NALCN: variants seen among roughly 807,000 people sequenced by gnomAD.
NALCN encodes the protein sodium leak channel, non-selective.
Under a neutral mutation model 225.3 loss-of-function variants are expected in NALCN, and 111 were observed. The ratio of observed to expected loss-of-function variants is 0.49; its 90% CI spans 0.42 to 0.58. NALCN has a LOEUF of 0.58. Ranked by LOEUF, NALCN falls within the 20% of genes least tolerant of loss-of-function variation. The pLI is 0.00. For synonymous variants in NALCN, 764 were observed against 769.0 expected, an observed-to-expected ratio of 0.99 and a Z score of 0.11; for missense variants, 1,378 against 2,202.4, an observed-to-expected ratio of 0.63 and a Z score of 7.49.
intron 13 of NALCN, among the ~76,000 whole-genome samples, chr13:101,196,812 T>C (rs906703286): frequency 6.6e-6 from 1 of 152,144 alleles, no homozygotes; most frequent in Non-Finnish European, 1.5e-5. Flanking sequence ...CCCACTCCAC[T>C]GACTCCAGGT....
At position 101,176,380 on chromosome 13, in the gene NALCN, A is replaced by C. The variant is rs370198465; in HGVS notation, c.1765-6T>G. On this transcript the variant is annotated splice_region_variant and splice_polypyrimidine_tract_variant and intron_variant, in intron 14 of 43. Coordinates refer to ENST00000251127, the MANE Select transcript of NALCN (RefSeq NM_052867.4). ...ACAAACAAACTCAGGAGGATCTATA[A>C]AATGGTGAAATAACAATGAAAAAAC... The C allele has an allele frequency of 5.4e-5, 86 of 1,587,316 alleles. No homozygotes were observed. The highest frequency in any genetic ancestry group is 7.2e-5 in the Non-Finnish European group (84 of 1,171,014).
chr13:101,080,983 G>A (rs2033616945), intron 34 of NALCN, among the ~76,000 whole-genome samples: 1 of 152,034 alleles, frequency 6.6e-6, no homozygotes, highest in Non-Finnish European at 1.5e-5. Context: ...GTAAAATAGT[G>A]AGAACACAGA....
At chr13:101,340,895 C>T (rs762674664) in intron 7 of NALCN, among the ~76,000 whole-genome samples, 12 of 152,070 alleles carry the variant, frequency 7.9e-5, no homozygotes, top group South Asian at 6.2e-4. Flanking sequence ...TTTTTTGGGA[C>T]GTGGTCATAG....
intron 6 of NALCN, among the ~76,000 whole-genome samples, chr13:101,356,114 C>T (rs1354268568): frequency 6.6e-6 from 1 of 151,754 alleles, no homozygotes; most frequent in Non-Finnish European, 1.5e-5. Context: ...AAATGGATAC[C>T]CTAACATCAC....
At chr13:101,262,140 G>A (rs2042449752) in intron 10 of NALCN, among the ~76,000 whole-genome samples, 1 of 152,210 alleles carries the variant, frequency 6.6e-6, no homozygotes, top group African/African-American at 2.4e-5. Context: ...TTGATAGGAT[G>A]TATCACATTC....
In NALCN at chr13:101,104,464, G is replaced by A; in HGVS notation, c.2758-38C>T. 7 of 1,612,380 alleles carry A rather than the reference G, an allele frequency of 4.3e-6. No homozygotes were observed. The highest frequency in any genetic ancestry group is 5.9e-6 in the Non-Finnish European group (7 of 1,178,788). ...AAAGGCAGTTTGGTTACAATGAACG[G>A]AAAAACAGCAGGTCAGTATTTTACC... On this transcript the variant is annotated intron_variant, in intron 24 of 43. Coordinates refer to ENST00000251127, the MANE Select transcript of NALCN (RefSeq NM_052867.4). The surrounding 1 kb of genome is among the most constrained non-coding windows in gnomAD (Gnocchi z 4.2).
intron 17 of NALCN, among the ~76,000 whole-genome samples, chr13:101,130,127 GC>G (rs1402468761): frequency 6.6e-6 from 1 of 152,020 alleles, no homozygotes; most frequent in Non-Finnish European, 1.5e-5. Flanking sequence ...TTTTACCTAA[GC>G]TTTTCTATAT....
intron 3 of NALCN, among the ~76,000 whole-genome samples, chr13:101,392,671 TTAAG>T (rs1357840271): frequency 2.0e-5 from 3 of 152,142 alleles, no homozygotes; most frequent in Non-Finnish European, 2.9e-5. Context: ...TTATTTTACT[TTAAG>T]TAAGTAAAAG....
intron 15 of NALCN, among the ~76,000 whole-genome samples, chr13:101,174,792 T>A (rs990082597): frequency 8.5e-5 from 13 of 152,120 alleles, no homozygotes; most frequent in African/African-American, 1.9e-4. Context: ...CTAAAAAAAA[T>A]TGGATATTTT....
At chr13:101,177,073 C>T (rs2038986861) in intron 14 of NALCN, among the ~76,000 whole-genome samples, 1 of 152,164 alleles carries the variant, frequency 6.6e-6, no homozygotes. Flanking sequence ...GATGCTCAAG[C>T]AGCCCTCTGG....
intron 14 of NALCN, among the ~76,000 whole-genome samples, chr13:101,189,189 T>G (rs1158575913): frequency 6.6e-6 from 1 of 152,112 alleles, no homozygotes; most frequent in African/African-American, 2.4e-5. Flanking sequence ...TTAAATTTAG[T>G]GAAATATGTT....
At chr13:101,135,412 G>A (rs1294777634) in intron 17 of NALCN, among the ~76,000 whole-genome samples, 4 of 151,494 alleles carry the variant, frequency 2.6e-5, no homozygotes, top group Admixed American at 6.6e-5. Flanking sequence ...ATTTTTTTTT[G>A]TTTTGAGACG....
chr13:101,186,234 T>TA (rs2139983752), intron 14 of NALCN, among the ~76,000 whole-genome samples: 2 of 152,350 alleles, frequency 1.3e-5, no homozygotes, highest in African/African-American at 4.8e-5. Flanking sequence ...ATGCCTCTCT[T>TA]ACCATTTGCA....
At chr13:101,158,427 G>C (rs1403352980) in intron 15 of NALCN, among the ~76,000 whole-genome samples, 1 of 152,232 alleles carries the variant, frequency 6.6e-6, no homozygotes, top group Non-Finnish European at 1.5e-5. Context: ...GCACCGCTGA[G>C]CTCCCCTCTG....
chr13:101,239,854 C>A (rs917026772), intron 11 of NALCN, among the ~76,000 whole-genome samples: 63 of 152,208 alleles, frequency 4.1e-4, no homozygotes, highest in African/African-American at 1.4e-3. Context: ...ATTTGCCCTT[C>A]AGCAATACAG....
chr13:101,361,985 G>C (rs1023656655), intron 6 of NALCN, among the ~76,000 whole-genome samples: 2 of 151,772 alleles, frequency 1.3e-5, no homozygotes, highest in Non-Finnish European at 2.9e-5. Context: ...AATTTATTCT[G>C]AAATATATTC....
chr13:101,405,780 G>A (rs143246972), intron 1 of NALCN, among the ~76,000 whole-genome samples: 71 of 152,236 alleles, frequency 4.7e-4, no homozygotes, highest in African/African-American at 1.6e-3. Context: ...AAAAATGAAT[G>A]TTATCTCCTA....
chr13:101,307,204 C>T (rs1335857630), intron 7 of NALCN, among the ~76,000 whole-genome samples: 1 of 152,202 alleles, frequency 6.6e-6, no homozygotes, highest in Non-Finnish European at 1.5e-5. Flanking sequence ...GTATGATTAG[C>T]TTCTGAGCAG....
intron 13 of NALCN, among the ~76,000 whole-genome samples, chr13:101,200,555 C>A (rs1408095461): frequency 1.3e-5 from 2 of 152,100 alleles, no homozygotes; most frequent in Non-Finnish European, 2.9e-5. Flanking sequence ...GCAAAAGTTT[C>A]CACAGCTTCT....
Sources: gnomAD v4.1 joint callset for allele counts (sites outside exome capture counted in the v4.1 genomes callset) on GRCh38, gnomAD v4.1.1 for gene constraint, Gnocchi (gnomAD v3.1) non-coding constraint, MANE v1.5 for transcripts, NCBI Gene and HGNC (gene_info 2026-07-23, HGNC 2026-07-21) for gene names.